The following NGEF variants were observed in gnomAD, a reference collection of about 807,000 sequenced individuals.
NGEF encodes the protein neuronal guanine nucleotide exchange factor, also known as ephexin-1.
Under a neutral mutation model 80.9 loss-of-function variants are expected in NGEF, and 31 were observed. The observed-to-expected ratio is 0.38, with a 90% CI of 0.29 to 0.52. The LOEUF is 0.52. Ranked by LOEUF, NGEF falls within the 20% of genes least tolerant of loss-of-function variation. NGEF has a pLI of 0.84. For synonymous variants in NGEF, 371 were observed against 370.2 expected, an observed-to-expected ratio of 1.00 and a Z score of -0.03; for missense variants, 709 against 926.2, an observed-to-expected ratio of 0.77 and a Z score of 3.04.
chr2:232,917,354 C>T (rs1487052817), intron 5 of NGEF, among the ~76,000 whole-genome samples: 2 of 152,164 alleles, frequency 1.3e-5, no homozygotes, highest in Non-Finnish European at 2.9e-5. Context: ...ATAGATAAAG[C>T]TGGTCCTCCA....
intron 3 of NGEF, among the ~76,000 whole-genome samples, chr2:232,935,735 T>A (rs1693313803): frequency 6.6e-6 from 1 of 152,246 alleles, no homozygotes; most frequent in African/African-American, 2.4e-5. Context: ...TGCTATTCAC[T>A]TATTCTATTT....
chr2:232,893,636 G>A (rs1406001395), intron 6 of NGEF, among the ~76,000 whole-genome samples: 3 of 152,120 alleles, frequency 2.0e-5, no homozygotes, highest in African/African-American at 7.2e-5. Flanking sequence ...TTAGCCGAGT[G>A]TGGTGGTGGA....
intron 5 of NGEF, among the ~76,000 whole-genome samples, chr2:232,900,169 C>T (rs111163656): frequency 0.1 from 11,526 of 113,332 alleles, 1,435 homozygotes; most frequent in South Asian, 0.15. Context: ...CTCATATACA[C>T]GTTCACTCAC....
rs186980429 is a variant in NGEF at position 232,947,283 on chromosome 2, G to T, written c.384-20097C>A. Among the ~76,000 whole-genome samples, 4 of 152,338 alleles carry T rather than the reference G, an allele frequency of 2.6e-5. No homozygotes were observed. The East Asian group carries it at 5.8e-4, about 22-fold the overall frequency. ...TTGAAGTACACATCACCCGGATGCA[G>T]TCTCGCTGAAAATGTTTAACCTGAA... On this transcript the variant is annotated intron_variant, in intron 3 of 14. Coordinates refer to ENST00000264051, the MANE Select transcript of NGEF (RefSeq NM_019850.3).
At chr2:233,003,843 G>T (rs1055966050) in intron 1 of NGEF, among the ~76,000 whole-genome samples, 1 of 152,178 alleles carries the variant, frequency 6.6e-6, no homozygotes, top group Non-Finnish European at 1.5e-5. Flanking sequence ...CACACTGCAG[G>T]TGTTCAAATC....
rs1411349932 is a variant in NGEF, at chr2:232,879,480, G to T, written c.*9C>A. On this transcript the variant is annotated 3_prime_UTR_variant, in exon 15 of 15. Coordinates refer to ENST00000264051, the MANE Select transcript of NGEF (RefSeq NM_019850.3). ...CAGGCCCTGCTCCCGCTGGCCCCCTGGGTGGGGGTCATTGCCGATTCCGGC... is the reference window on the plus strand; with the variant it reads ...CAGGCCCTGCTCCCGCTGGCCCCCTTGGTGGGGGTCATTGCCGATTCCGGC... 1 of 1,548,720 alleles carries T rather than the reference G, an allele frequency of 6.5e-7. No homozygotes were observed. Among genetic ancestry groups the T allele is most frequent in the East Asian group, 2.4e-5 (1 of 41,638 alleles).
intron 2 of NGEF, among the ~76,000 whole-genome samples, chr2:232,971,110 T>C (rs1313258562): frequency 3.9e-5 from 6 of 152,194 alleles, no homozygotes; most frequent in Non-Finnish European, 8.8e-5. Flanking sequence ...TCTGCTGTGA[T>C]TTTGAAGGGG....
intron 1 of NGEF, among the ~76,000 whole-genome samples, chr2:233,012,389 G>A (rs974794594): frequency 1.3e-5 from 2 of 152,200 alleles, no homozygotes; most frequent in African/African-American, 2.4e-5. Context: ...GTGGCTTGAG[G>A]CCAGCCAGAT....
chr2:232,901,613 C>G (rs1023088074), intron 5 of NGEF, among the ~76,000 whole-genome samples: 6 of 152,224 alleles, frequency 3.9e-5, no homozygotes, highest in African/African-American at 1.4e-4. Context: ...TCCTCACGGC[C>G]AGGAAACAAA....
intron 9 of NGEF, 63 bp downstream of exon 9, chr2:232,887,970 A>G (rs1691747200): frequency 7.9e-7 from 1 of 1,265,476 alleles, no homozygotes; most frequent in East Asian, 2.3e-5. Context: ...CAGGGCCGGA[A>G]AGGTGTGCCT....
intron 14 of NGEF, among the ~76,000 whole-genome samples, chr2:232,880,520 C>T (rs565981935): frequency 5.9e-5 from 9 of 152,342 alleles, no homozygotes; most frequent in Non-Finnish European, 1.2e-4. Context: ...TACCAGGACC[C>T]GGCAGGAGGA....
intron 5 of NGEF, among the ~76,000 whole-genome samples, chr2:232,908,754 T>A (rs1308272362): frequency 6.6e-6 from 1 of 151,930 alleles, no homozygotes; most frequent in Non-Finnish European, 1.5e-5. Flanking sequence ...TTTTTTGTTT[T>A]TTTTTTCATT....
At chr2:232,980,134 AG>A (rs1306874323) in intron 1 of NGEF, among the ~76,000 whole-genome samples, 1 of 152,090 alleles carries the variant, frequency 6.6e-6, no homozygotes, top group Non-Finnish European at 1.5e-5. Context: ...CAGAGCCAGG[AG>A]GGGGCTCTAT....
At chr2:232,995,656 G>T (rs1316124448) in intron 1 of NGEF, among the ~76,000 whole-genome samples, 1 of 52,276 alleles carries the variant, frequency 1.9e-5, no homozygotes, top group Non-Finnish European at 3.4e-5. Context: ...GTGTATATAT[G>T]TATTATAGTG....
In NGEF at chr2:232,995,966, T is replaced by C. The variant is rs563999931; in HGVS notation, c.-75+17102A>G. Among the ~76,000 whole-genome samples, 3 of 150,582 alleles carry C rather than the reference T, an allele frequency of 2.0e-5. No homozygotes were observed. The South Asian group carries it at 6.3e-4, about 32-fold the overall frequency. ...GAGGACAAAAGAAAGAATAAAAGGG[T>C]GTGAGCGTAAAACTGAATGGGGGAT... On this transcript the variant is annotated intron_variant, in intron 1 of 14. Transcript: ENST00000264051.
intron 4 of NGEF, among the ~76,000 whole-genome samples, chr2:232,920,908 C>T (rs904706757): frequency 2.0e-5 from 3 of 152,204 alleles, no homozygotes; most frequent in Non-Finnish European, 1.5e-5. Flanking sequence ...GCACCCACCA[C>T]CAAGTTGATG....
intron 1 of NGEF, among the ~76,000 whole-genome samples, chr2:232,988,006 A>G (rs1460960828): frequency 6.7e-6 from 1 of 149,188 alleles, no homozygotes; most frequent in Admixed American, 6.7e-5. Context: ...CCAGAGGGAG[A>G]TGTGGTCACC....
intron 5 of NGEF, among the ~76,000 whole-genome samples, chr2:232,917,528 G>A (rs760816456): frequency 5.1e-4 from 77 of 151,084 alleles, no homozygotes; most frequent in Non-Finnish European, 1.0e-3. Flanking sequence ...GGAGTGCAAC[G>A]GTGAGATCTT....
At chr2:232,890,198 CCT>C (rs1691834248) in intron 8 of NGEF, among the ~76,000 whole-genome samples, 2 of 102,360 alleles carry the variant, frequency 2.0e-5, no homozygotes, top group Non-Finnish European at 5.0e-5. Flanking sequence ...GGGTCTCTGT[CCT>C]GCCTCACTGG....
Sources: allele counts gnomAD v4.1 joint callset (sites outside exome capture counted in the v4.1 genomes callset), GRCh38; gene constraint gnomAD v4.1.1; transcripts MANE v1.5; gene names NCBI Gene and HGNC (gene_info 2026-07-23, HGNC 2026-07-21).